SLC30A8: variants seen among roughly 807,000 people sequenced by gnomAD.
SLC30A8 encodes solute carrier family 30 member 8, also known as proton-coupled zinc antiporter SLC30A8.
In SLC30A8, 27 loss-of-function variants were observed where a neutral mutation model predicts 36.9. The ratio of observed to expected loss-of-function variants is 0.73; its 90% CI spans 0.54 to 1.01. The LOEUF (loss-of-function observed/expected upper bound fraction) is 1.01. Ranked by LOEUF, SLC30A8 falls within the 50% of genes least tolerant of loss-of-function variation. SLC30A8 has a pLI of 0.00. For missense variants in SLC30A8, 439 were observed against 452.0 expected, an observed-to-expected ratio of 0.97 and a Z score of 0.26; for synonymous variants, 164 against 172.4, an observed-to-expected ratio of 0.95 and a Z score of 0.38.
At chr8:116,952,993 C>T (rs1032332375) in intron 1 of SLC30A8, among the ~76,000 whole-genome samples, 3 of 151,550 alleles carry the variant, frequency 2.0e-5, no homozygotes, top group African/African-American at 7.3e-5. Context: ...GAGCATAGTG[C>T]CCGGTAGTTT....
intron 1 of SLC30A8, among the ~76,000 whole-genome samples, chr8:117,036,111 C>T (rs1042204843): frequency 2.0e-4 from 19 of 95,088 alleles, no homozygotes; most frequent in African/African-American, 7.6e-4. Context: ...GTTTGAATTC[C>T]CCCCCCCAGA....
At chr8:117,155,247 C>T (rs1418722155) in intron 3 of SLC30A8, among the ~76,000 whole-genome samples, 1 of 152,176 alleles carries the variant, frequency 6.6e-6, no homozygotes, top group Non-Finnish European at 1.5e-5. Context: ...CTGACTCTTG[C>T]TCTTGGTATT....
chr8:117,104,979 A>C (rs1447327855), intron 2 of SLC30A8, among the ~76,000 whole-genome samples: 4 of 152,084 alleles, frequency 2.6e-5, no homozygotes, highest in Non-Finnish European at 5.9e-5. Flanking sequence ...AAGCTAATAT[A>C]TTATAATTAG....
intron 6 of SLC30A8, among the ~76,000 whole-genome samples, chr8:117,170,073 T>C (rs973328559): frequency 6.6e-6 from 1 of 152,178 alleles, no homozygotes; most frequent in African/African-American, 2.4e-5. Context: ...GCAGTGGTTC[T>C]CAATCTTGGC....
intron 1 of SLC30A8, among the ~76,000 whole-genome samples, chr8:117,032,354 A>G (rs1170901809): frequency 6.6e-6 from 1 of 152,214 alleles, no homozygotes; most frequent in Non-Finnish European, 1.5e-5. Flanking sequence ...TGCTAGGCAC[A>G]CAGCAGGCAG....
At chr8:116,976,586 G>A (rs933717856) in intron 1 of SLC30A8, among the ~76,000 whole-genome samples, 15 of 152,088 alleles carry the variant, frequency 9.9e-5, no homozygotes, top group African/African-American at 2.9e-4. Context: ...ACTCTCCAAC[G>A]TCTTCAGCTG....
At chr8:117,084,494 T>G (rs1340859249) in intron 2 of SLC30A8, among the ~76,000 whole-genome samples, 1 of 152,168 alleles carries the variant, frequency 6.6e-6, no homozygotes, top group Non-Finnish European at 1.5e-5. Context: ...CATTTCTCTT[T>G]TACCCCAGTA....
chr8:117,028,436 C>T (rs1816936497), intron 1 of SLC30A8, among the ~76,000 whole-genome samples: 1 of 152,122 alleles, frequency 6.6e-6, no homozygotes, highest in Non-Finnish European at 1.5e-5. Flanking sequence ...TTTCTGGGGA[C>T]AGTCTCTAGA....
At chr8:116,977,712 A>G (rs995230012) in intron 1 of SLC30A8, among the ~76,000 whole-genome samples, 1 of 151,708 alleles carries the variant, frequency 6.6e-6, no homozygotes, top group African/African-American at 2.4e-5. Context: ...GGATTTCACC[A>G]TGTTGGCCAA....
At chr8:116,967,723 C>T (rs28581821) in intron 1 of SLC30A8, among the ~76,000 whole-genome samples, 6,533 of 152,208 alleles carry the variant, frequency 0.043, 481 homozygotes, top group African/African-American at 0.15. Context: ...TTAGAAGTGG[C>T]AATTCTTTCT....
intron 2 of SLC30A8, among the ~76,000 whole-genome samples, chr8:117,064,000 A>G (rs1027424917): frequency 1.3e-5 from 2 of 149,428 alleles, no homozygotes; most frequent in African/African-American, 4.9e-5. Flanking sequence ...TTAGAAAAAA[A>G]TCCTTTTTTT....
intron 2 of SLC30A8, among the ~76,000 whole-genome samples, chr8:117,126,472 TC>T (rs1820907996): frequency 6.6e-6 from 1 of 151,986 alleles, no homozygotes; most frequent in Admixed American, 6.6e-5. Flanking sequence ...TCTTCTGACT[TC>T]AAAGGCTTTA....
At chr8:117,138,081 G>A (rs66671568) in intron 1 of SLC30A8, among the ~76,000 whole-genome samples, 1,932 of 121,384 alleles carry the variant, frequency 0.016, 6 homozygotes, top group Middle Eastern at 0.045. Flanking sequence ...AAAAAAAAAA[G>A]AAAAAGAAAA....
chr8:117,042,559 C>A (rs1299635078), intron 2 of SLC30A8, among the ~76,000 whole-genome samples: 3 of 152,060 alleles, frequency 2.0e-5, no homozygotes, highest in Non-Finnish European at 4.4e-5. Flanking sequence ...GAAGCCGGTG[C>A]TGTTTTATTC....
chr8:117,009,753 C>T (rs1816286505), intron 1 of SLC30A8, among the ~76,000 whole-genome samples: 1 of 152,172 alleles, frequency 6.6e-6, no homozygotes, highest in South Asian at 2.1e-4. Flanking sequence ...AGGCCTTCTT[C>T]TCAGCTTTGT....
chr8:117,001,871 T>G (rs1287764684), intron 1 of SLC30A8, among the ~76,000 whole-genome samples: 1 of 152,348 alleles, frequency 6.6e-6, no homozygotes. Flanking sequence ...ATATTTTCTT[T>G]AGTTATTTCT....
chr8:117,099,054 A>G (rs150274967), intron 2 of SLC30A8, among the ~76,000 whole-genome samples: 11 of 152,340 alleles, frequency 7.2e-5, no homozygotes, highest in East Asian at 3.9e-4. Flanking sequence ...GAGGGAATCA[A>G]TTTATCAGCA....
intron 1 of SLC30A8, among the ~76,000 whole-genome samples, chr8:116,993,191 T>C (rs1425180590): frequency 2.6e-5 from 4 of 151,152 alleles, no homozygotes; most frequent in Admixed American, 6.6e-5. Context: ...GCAAAGATTA[T>C]AGAAGCTCTG....
At chr8:116,954,467 TAAAG>T (rs138233608) in intron 1 of SLC30A8, among the ~76,000 whole-genome samples, 4,189 of 152,086 alleles carry the variant, frequency 0.028, 174 homozygotes, top group African/African-American at 0.094. Context: ...GAAAAGCTAT[TAAAG>T]AGAGAGAGAG....
Sources: gnomAD v4.1 joint callset for allele counts (sites outside exome capture counted in the v4.1 genomes callset) on GRCh38, gnomAD v4.1.1 for gene constraint, MANE v1.5 for transcripts, NCBI Gene and HGNC (gene_info 2026-07-23, HGNC 2026-07-21) for gene names.